Variants in PHLDB2 observed in about 807,000 individuals in gnomAD.
PHLDB2 encodes pleckstrin homology-like domain family B member 2.
In PHLDB2, 71 loss-of-function variants were observed where a neutral mutation model predicts 123.6. That is an observed-to-expected ratio of 0.57 (90% CI 0.47 to 0.70). The LOEUF (loss-of-function observed/expected upper bound fraction) is 0.70, where lower values mean the gene tolerates loss of function less well. PHLDB2 is among the 30% of genes least tolerant of loss of function. The pLI is 0.00. For synonymous variants in PHLDB2, 547 were observed against 541.6 expected, an observed-to-expected ratio of 1.01 and a Z score of -0.14; for missense variants, 1,446 against 1,519.5, an observed-to-expected ratio of 0.95 and a Z score of 0.80.
chr3:111,739,280 A>G (rs1452789105), intron 1 of PHLDB2, among the ~76,000 whole-genome samples: 2 of 152,164 alleles, frequency 1.3e-5, no homozygotes, highest in Non-Finnish European at 2.9e-5. Context: ...TTTACTAGAG[A>G]AGAAGCCCAC....
chr3:111,825,797 A>C (rs2062625750), intron 1 of PHLDB2, among the ~76,000 whole-genome samples: 1 of 152,104 alleles, frequency 6.6e-6, no homozygotes, highest in Non-Finnish European at 1.5e-5. Context: ...CATCTTTATG[A>C]AGGTTTTTTT....
rs149931273 is a variant in PHLDB2, at chr3:111,881,624, A to G, written c.-14-2440A>G. Among the ~76,000 whole-genome samples the G allele has an allele frequency of 5.8e-3, 887 of 152,100 alleles. 17 individuals carry two copies. Among genetic ancestry groups the G allele is most frequent in the East Asian group, 0.011 (56 of 5,170 alleles). On this transcript the variant is annotated intron_variant, in intron 1 of 17. Coordinates refer to ENST00000431670, the MANE Select transcript of PHLDB2 (RefSeq NM_001134438.2). ...AACCATGATATAATATCATATTTTT[A>G]TGTTTGTTTATATTTCTCTGTACTG...
At chr3:111,900,339 A>C (rs183992778) in intron 2 of PHLDB2, among the ~76,000 whole-genome samples, 2 of 152,354 alleles carry the variant, frequency 1.3e-5, no homozygotes, top group African/African-American at 2.4e-5. Flanking sequence ...CATTTTTGGC[A>C]TGCCTTTCTC....
intron 1 of PHLDB2, among the ~76,000 whole-genome samples, chr3:111,780,598 C>T (rs374737947): frequency 5.3e-5 from 8 of 151,898 alleles, no homozygotes; most frequent in Non-Finnish European, 7.4e-5. Context: ...TCCATTATAG[C>T]GACAGAAACC....
At position 111,974,661 on chromosome 3, in the gene PHLDB2, T is replaced by C; in HGVS notation, c.*98T>C. The C allele has an allele frequency of 8.1e-7, 1 of 1,236,620 alleles. No individual in the cohort carries two copies. Among genetic ancestry groups the C allele is most frequent in the Admixed American group, 2.8e-5 (1 of 36,028 alleles). 76.6% of individuals were successfully genotyped at this position (1,236,620 alleles called of 1,614,324 possible). A position where few individuals can be genotyped will look rare whatever the true frequency, so the allele number is the denominator to read the frequency against. The stretch of plus-strand genomic sequence containing the variant: ...CAGATGAGAAAACCCAACAGATCCA[T>C]CCCTTGAGCTGTAAACACTCAGAAC... On this transcript the variant is annotated 3_prime_UTR_variant, in exon 18 of 18. Coordinates refer to ENST00000431670, the MANE Select transcript of PHLDB2 (RefSeq NM_001134438.2).
intron 2 of PHLDB2, among the ~76,000 whole-genome samples, chr3:111,893,343 C>T (rs1219110311): frequency 1.3e-5 from 2 of 151,738 alleles, no homozygotes; most frequent in African/African-American, 4.8e-5. Context: ...GTGGCCCTTC[C>T]ATTTGCTACA....
intron 12 of PHLDB2, among the ~76,000 whole-genome samples, chr3:111,961,211 G>A (rs1356337382): frequency 1.3e-5 from 2 of 152,128 alleles, no homozygotes; most frequent in Non-Finnish European, 2.9e-5. Flanking sequence ...CACTCCTGTA[G>A]TCCCAGCTAC....
intron 1 of PHLDB2, among the ~76,000 whole-genome samples, chr3:111,881,741 A>T (rs1351435154): frequency 6.6e-6 from 1 of 151,272 alleles, no homozygotes; most frequent in East Asian, 1.9e-4. Context: ...AGTAGCCACA[A>T]ATATTTTATG....
At chr3:111,746,303 C>T (rs2059681766) in intron 1 of PHLDB2, among the ~76,000 whole-genome samples, 1 of 152,138 alleles carries the variant, frequency 6.6e-6, no homozygotes, top group Non-Finnish European at 1.5e-5. Flanking sequence ...CATATAGGTT[C>T]CAAATGCTGA....
intron 2 of PHLDB2, among the ~76,000 whole-genome samples, chr3:111,852,030 C>A (rs917588834): frequency 6.6e-6 from 1 of 152,020 alleles, no homozygotes; most frequent in African/African-American, 2.4e-5. Context: ...ACCCCTTCAC[C>A]TGAACTCTTC....
intron 15 of PHLDB2, among the ~76,000 whole-genome samples, chr3:111,969,368 T>C (rs537130024): frequency 4.1e-4 from 62 of 152,300 alleles, no homozygotes; most frequent in African/African-American, 1.4e-3. Context: ...CCAGAAAACT[T>C]CATGCTTCAT....
chr3:111,912,271 A>G (rs1301707836), intron 2 of PHLDB2, among the ~76,000 whole-genome samples: 3 of 152,202 alleles, frequency 2.0e-5, no homozygotes, highest in Admixed American at 6.5e-5. Context: ...AAACTGTATA[A>G]TTAACCTACT....
At chr3:111,744,687 T>C (rs4682303) in intron 1 of PHLDB2, among the ~76,000 whole-genome samples, 58,306 of 152,118 alleles carry the variant, frequency 0.38, 13,377 homozygotes, top group Middle Eastern at 0.55. Context: ...GTGTTTAAAT[T>C]TTAGCTCTAT....
chr3:111,828,883 C>T (rs1377385799), intron 1 of PHLDB2, among the ~76,000 whole-genome samples: 4 of 152,144 alleles, frequency 2.6e-5, no homozygotes, highest in Non-Finnish European at 5.9e-5. Flanking sequence ...TGAGTCCCTG[C>T]CAAATGCCAC....
At chr3:111,744,059 G>A (rs766222387) in intron 1 of PHLDB2, among the ~76,000 whole-genome samples, 12 of 152,240 alleles carry the variant, frequency 7.9e-5, no homozygotes, top group Non-Finnish European at 1.3e-4. Context: ...AAAAACAGAC[G>A]AAAGGTTACT....
At chr3:111,814,645 C>T (rs2061991685) in intron 1 of PHLDB2, among the ~76,000 whole-genome samples, 1 of 142,214 alleles carries the variant, frequency 7.0e-6, no homozygotes, top group African/African-American at 2.6e-5. Flanking sequence ...AAAAAAAAAG[C>T]AGAGAGGTGG....
chr3:111,859,983 TG>T (rs1199914846), intron 1 of PHLDB2: 2 of 748,948 alleles, frequency 2.7e-6, no homozygotes, highest in African/African-American at 2.5e-5. Flanking sequence ...GCTGGGTGGG[TG>T]GGGGTGGCGA....
intron 1 of PHLDB2, among the ~76,000 whole-genome samples, chr3:111,869,999 G>A (rs2065261646): frequency 6.6e-6 from 1 of 152,206 alleles, no homozygotes; most frequent in African/African-American, 2.4e-5. Context: ...ATTTGCTGCT[G>A]TGTTTATTTG....
intron 2 of PHLDB2, among the ~76,000 whole-genome samples, chr3:111,888,551 C>G (rs1006534654): frequency 6.6e-6 from 1 of 152,158 alleles, no homozygotes; most frequent in Non-Finnish European, 1.5e-5. Flanking sequence ...GAAGAAAACT[C>G]TTTGCAAGAA....
Sources: allele counts gnomAD v4.1 joint callset (sites outside exome capture counted in the v4.1 genomes callset), GRCh38; gene constraint gnomAD v4.1.1; transcripts MANE v1.5; gene names NCBI Gene and HGNC (gene_info 2026-07-23, HGNC 2026-07-21).